The following WASF3 variants were observed in gnomAD, a reference collection of about 807,000 sequenced individuals.
WASF3 encodes the protein WASP family member 3.
WASF3 carries 11 observed loss-of-function variants against 46.6 expected under a neutral mutation model. The observed-to-expected ratio is 0.24, with a 90% confidence interval of 0.15 to 0.39. WASF3 has a LOEUF of 0.39. WASF3 is among the 10% of genes least tolerant of loss of function. The probability of loss-of-function intolerance (pLI) is 1.00; values close to 1 mark genes in which losing one functional copy is unlikely to be tolerated. For missense variants in WASF3, 576 were observed against 669.8 expected, an observed-to-expected ratio of 0.86 and a Z score of 1.55; for synonymous variants, 242 against 259.7, an observed-to-expected ratio of 0.93 and a Z score of 0.65.
At chr13:26,644,909 G>A (rs539512194) in intron 3 of WASF3, among the ~76,000 whole-genome samples, 1 of 152,300 alleles carries the variant, frequency 6.6e-6, no homozygotes, top group East Asian at 1.9e-4. Flanking sequence ...TGCCCAGGAT[G>A]GCTTTCCCCT....
intron 1 of WASF3, among the ~76,000 whole-genome samples, chr13:26,564,900 G>GTTTTTTTTTTTTTTTTTT (rs66809412): frequency 4.3e-4 from 35 of 81,636 alleles, no homozygotes; most frequent in Admixed American, 6.3e-4. Flanking sequence ...CAAGGTTGTG[G>GTTTTTTTTTTTTTTTTTT]TTTTTTTTTT....
At position 26,682,311 on chromosome 13, in the gene WASF3, G is replaced by A. The variant is rs77454096; in HGVS notation, c.984-296G>A. 1.8e-3 allele frequency among the ~76,000 whole-genome samples: 270 copies of A among 152,330 alleles called. 1 individual carries two copies. The highest frequency in any genetic ancestry group is 6.0e-3 in the African/African-American group (251 of 41,566). On this transcript the variant is annotated intron_variant, in intron 8 of 9. Transcript: ENST00000335327. The surrounding 1 kb of genome is among the most constrained non-coding windows in gnomAD (Gnocchi z 4.4). ...GTGTGAAGCCTTCACTGGCGCTGCC[G>A]TCCTGGCCTCTGCAGTCAGCTGCTT...
chr13:26,635,482 G>A (rs587109), intron 2 of WASF3, among the ~76,000 whole-genome samples: 150,461 of 152,336 alleles, frequency 0.99, 74,328 homozygotes, highest in East Asian at 1. Context: ...TCTGAAGCCT[G>A]CTTCTGTCAA....
intron 2 of WASF3, among the ~76,000 whole-genome samples, chr13:26,615,534 C>T (rs1881106658): frequency 6.6e-6 from 1 of 152,122 alleles, no homozygotes; most frequent in African/African-American, 2.4e-5. Context: ...GTCTCGATCT[C>T]CTGACCTTGT....
chr13:26,681,410 T>C (rs149601377), intron 8 of WASF3, 90 bp downstream of exon 8: 3 of 1,435,530 alleles, frequency 2.1e-6, no homozygotes, highest in Non-Finnish European at 1.9e-6. Context: ...TCCGGTATTT[T>C]AGAGGCCAAG....
intron 2 of WASF3, among the ~76,000 whole-genome samples, chr13:26,622,271 A>T (rs1324219020): frequency 2.0e-5 from 3 of 152,182 alleles, no homozygotes; most frequent in Non-Finnish European, 4.4e-5. Flanking sequence ...TCAGTCTTTA[A>T]TGGCTGCATA....
In WASF3 at chr13:26,603,862, TAAAC is replaced by T. The variant is rs369139041; in HGVS notation, c.-108-9097_-108-9094del. Among the ~76,000 whole-genome samples the T allele has an allele frequency of 6.8e-3, 1,037 of 152,324 alleles. 14 individuals carry two copies. The highest frequency in any genetic ancestry group is 0.024 in the African/African-American group (989 of 41,568). On this transcript the variant is annotated intron_variant, in intron 1 of 9. Coordinates refer to ENST00000335327, the MANE Select transcript of WASF3 (RefSeq NM_006646.6). ...ACCAGGTGATTCATAGGTGGCATGATAAACAGTAGTTTAATGTATAGAGTTGAGA... is the reference window on the plus strand; with the variant it reads ...ACCAGGTGATTCATAGGTGGCATGATAGTAGTTTAATGTATAGAGTTGAGA...
chr13:26,678,562 T>C (rs1253357692), intron 7 of WASF3, among the ~76,000 whole-genome samples: 2 of 152,138 alleles, frequency 1.3e-5, no homozygotes, highest in Non-Finnish European at 2.9e-5. Context: ...CTCATCTGAG[T>C]GCATCCAAGA....
At chr13:26,551,131 T>C in the WASF3 span, among the ~76,000 whole-genome samples, 3 of 152,200 alleles carry the variant, frequency 2.0e-5, no homozygotes, top group African/African-American at 7.2e-5. Context: ...TCTTTCTCTC[T>C]CTACTGCTCT....
chr13:26,582,338 G>A (rs553289540), intron 1 of WASF3, among the ~76,000 whole-genome samples: 2 of 152,034 alleles, frequency 1.3e-5, no homozygotes, highest in South Asian at 2.1e-4. Flanking sequence ...TGTGTGATTC[G>A]GGGACATTTC....
intron 2 of WASF3, among the ~76,000 whole-genome samples, chr13:26,641,533 A>G (rs1034461896): frequency 3.3e-5 from 5 of 152,212 alleles, no homozygotes; most frequent in Admixed American, 2.6e-4. Flanking sequence ...TAAGCCTCAA[A>G]TCCATCCTCC....
intron 2 of WASF3, among the ~76,000 whole-genome samples, chr13:26,638,900 G>A (rs1331230153): frequency 1.3e-5 from 2 of 152,150 alleles, no homozygotes; most frequent in Non-Finnish European, 2.9e-5. Flanking sequence ...ATTACTTCCT[G>A]TGAGGGTGGG....
chr13:26,684,068 G>C (rs1266609930), intron 9 of WASF3, among the ~76,000 whole-genome samples: 1 of 152,238 alleles, frequency 6.6e-6, no homozygotes, highest in African/African-American at 2.4e-5. Flanking sequence ...CAGAGGAGCT[G>C]TGATGCTGCT....
intron 1 of WASF3, among the ~76,000 whole-genome samples, chr13:26,580,428 A>G (rs1002438958): frequency 1.3e-5 from 2 of 152,176 alleles, no homozygotes; most frequent in African/African-American, 4.8e-5. Context: ...TAAACTTTCC[A>G]TGGGCTTTGT....
At chr13:26,602,272 A>G (rs1157928308) in intron 1 of WASF3, among the ~76,000 whole-genome samples, 1 of 152,248 alleles carries the variant, frequency 6.6e-6, no homozygotes, top group Non-Finnish European at 1.5e-5. Context: ...GATGCCACTG[A>G]TTAAATGATT....
chr13:26,674,528 C>A (rs1473726519), intron 6 of WASF3, among the ~76,000 whole-genome samples: 1 of 152,186 alleles, frequency 6.6e-6, no homozygotes, highest in Admixed American at 6.5e-5. Flanking sequence ...CTTTTAAGAC[C>A]TTTTAGCATT....
At chr13:26,566,603 G>A (rs890975612) in intron 1 of WASF3, among the ~76,000 whole-genome samples, 3 of 152,230 alleles carry the variant, frequency 2.0e-5, no homozygotes, top group South Asian at 4.1e-4. Flanking sequence ...GGCTGTTCAG[G>A]TGGTCAGCCT....
At chr13:26,669,750 G>GT (rs1882876649) in intron 5 of WASF3, among the ~76,000 whole-genome samples, 1 of 152,192 alleles carries the variant, frequency 6.6e-6, no homozygotes, top group South Asian at 2.1e-4. Context: ...CTGACCTCAG[G>GT]TGATCCACCT....
the WASF3 span, among the ~76,000 whole-genome samples, chr13:26,551,695 A>C: frequency 6.6e-6 from 1 of 152,144 alleles, no homozygotes; most frequent in East Asian, 1.9e-4. Context: ...TGAGCTTCCC[A>C]GGTGAGGAAG....
Sources: gnomAD v4.1 joint callset for allele counts (sites outside exome capture counted in the v4.1 genomes callset) on GRCh38, gnomAD v4.1.1 for gene constraint, Gnocchi (gnomAD v3.1) non-coding constraint, MANE v1.5 for transcripts, NCBI Gene and HGNC (gene_info 2026-07-23, HGNC 2026-07-21) for gene names.